NAAA: variants seen among roughly 807,000 people sequenced by gnomAD.
The protein encoded by NAAA is N-acylethanolamine-hydrolyzing acid amidase.
Under a neutral mutation model 44.8 loss-of-function variants are expected in NAAA, and 39 were observed. The ratio of observed to expected loss-of-function variants is 0.87; its 90% CI spans 0.67 to 1.14. The LOEUF is 1.14. Among genes scored for constraint, NAAA ranks in the 50% most tolerant of loss-of-function variants. The pLI is 0.00. For synonymous variants in NAAA, 178 were observed against 191.3 expected, an observed-to-expected ratio of 0.93 and a Z score of 0.58; for missense variants, 460 against 467.8, an observed-to-expected ratio of 0.98 and a Z score of 0.15.
At chr4:75,924,998 T>G (rs1726528304) in intron 5 of NAAA, among the ~76,000 whole-genome samples, 1 of 148,234 alleles carries the variant, frequency 6.7e-6, no homozygotes, top group Admixed American at 6.7e-5. Context: ...ATAACTTCAT[T>G]TTTTTTTTTT....
At chr4:75,937,279 C>T (rs1727815415) in intron 2 of NAAA, among the ~76,000 whole-genome samples, 1 of 152,076 alleles carries the variant, frequency 6.6e-6, no homozygotes, top group Admixed American at 6.6e-5. Flanking sequence ...ATTAGCCGGG[C>T]ATGGTGGCGC....
At chr4:75,911,553 T>C (rs139530385), downstream of NAAA, among the ~76,000 whole-genome samples, 1,115 of 152,198 alleles carry the variant, frequency 7.3e-3, 10 homozygotes, top group African/African-American at 0.026. Flanking sequence ...TACAGGGGTA[T>C]GGAAAACAGT....
In NAAA at chr4:75,940,734, C is replaced by T; in HGVS notation, c.206+10G>A. ...TGTCCCCGCAGACCCCGTCCAGGGC[C>T]CCAGCTCACCCGATGACTTGCGCCA... On this transcript the variant is annotated intron_variant, in intron 1 of 10. Transcript: ENST00000286733. 6.3e-7 allele frequency: 1 copy of T among 1,592,700 alleles called. No homozygotes were observed. The highest frequency in any genetic ancestry group is 8.5e-7 in the Non-Finnish European group (1 of 1,176,750).
At chr4:75,915,744 G>T (rs1725572878) in intron 9 of NAAA, among the ~76,000 whole-genome samples, 1 of 152,096 alleles carries the variant, frequency 6.6e-6, no homozygotes, top group Non-Finnish European at 1.5e-5. Context: ...GGCCTCTAAA[G>T]CTCCAGGATC....
chr4:75,927,758 T>C (rs1433015813), intron 4 of NAAA, among the ~76,000 whole-genome samples: 1 of 150,366 alleles, frequency 6.7e-6, no homozygotes, highest in Non-Finnish European at 1.5e-5. Flanking sequence ...TTTATGAATG[T>C]GTGATTTGAG....
chr4:75,934,195 C>CG (rs1381411240), intron 3 of NAAA, among the ~76,000 whole-genome samples: 2 of 151,676 alleles, frequency 1.3e-5, no homozygotes, highest in African/African-American at 4.8e-5. Flanking sequence ...CCTTGTGATT[C>CG]GGGGCAAGTC....
In NAAA at chr4:75,914,962, A is replaced by C. The variant is rs376834839; in HGVS notation, c.1022T>G (p.Met341Arg). ...YNNFTIYTTV[M>R]SAGSPDKYMT... ...GTACTTGTCTGGGCTACCGGCGCTC[A>C]TTACCGTAGTATAAATTGTGAAGCT... The change falls in exon 10 of 11, where the codon ATG (methionine) becomes AGG (arginine). Residue 341 changes from methionine (M) to arginine (R), a missense_variant. By Grantham distance (91) the Met-to-Arg change is moderately conservative. Coordinates refer to ENST00000286733, the MANE Select transcript of NAAA (RefSeq NM_014435.4). The C allele has an allele frequency of 2.5e-6, 4 of 1,613,438 alleles. No individual in the cohort carries two copies. Among genetic ancestry groups the C allele is most frequent in the African/African-American group, 1.3e-5 (1 of 74,916 alleles).
Position 75,940,954 on chromosome 4 carries a change from C to G in NAAA, c.-5G>C, listed in dbSNP as rs1462163771. ...CTCCCGGTCCGCGGTCCGCATGGCT[C>G]GGGCTCCAGCGGCCGCAACTTGGAG... On this transcript the variant is annotated 5_prime_UTR_variant, in exon 1 of 11. Coordinates refer to ENST00000286733, the MANE Select transcript of NAAA (RefSeq NM_014435.4). 3 of 1,471,236 alleles carry G rather than the reference C, an allele frequency of 2.0e-6. No homozygotes were observed. Among genetic ancestry groups the G allele is most frequent in the African/African-American group, 3.0e-5 (2 of 67,726 alleles). 91.1% of individuals were successfully genotyped at this position (1,471,236 alleles called of 1,614,324 possible). A position where few individuals can be genotyped will look rare whatever the true frequency, so the allele number is the denominator to read the frequency against.
intron 2 of NAAA, among the ~76,000 whole-genome samples, chr4:75,936,852 G>T (rs1727765682): frequency 6.6e-6 from 1 of 152,144 alleles, no homozygotes; most frequent in Non-Finnish European, 1.5e-5. Flanking sequence ...GGCTTGTTAA[G>T]TATCTATCCA....
At chr4:75,918,911 C>T (rs996041416) in intron 8 of NAAA, 122 bp from the exon 9 acceptor site, 15 of 858,438 alleles carry the variant, frequency 1.7e-5, no homozygotes, top group South Asian at 5.8e-5. Flanking sequence ...GGGAAGCCGA[C>T]GTGGGAGGAT....
At chr4:75,913,161 G>C (rs1725398944), downstream of NAAA, among the ~76,000 whole-genome samples, 1 of 152,102 alleles carries the variant, frequency 6.6e-6, no homozygotes, top group South Asian at 2.1e-4. Flanking sequence ...CGAGATAAAT[G>C]CATCATTGAC....
In NAAA at chr4:75,936,134, T is replaced by G; in HGVS notation, c.473A>C (p.Asp158Ala). The G allele has an allele frequency of 6.2e-7, 1 of 1,614,110 alleles. No individual in the cohort carries two copies. Among genetic ancestry groups the G allele is most frequent in the East Asian group, 2.2e-5 (1 of 44,876 alleles). Reference sequence around the variant, plus strand: ...CTGCCCATTCTTTAAGAATTGCACATCCACTGTCAGCTTGCGTAAGACATT... The same window carrying G: ...CTGCCCATTCTTTAAGAATTGCACAGCCACTGTCAGCTTGCGTAAGACATT... Reference protein sequence around the residue: ...FGNVLRKLTVDVQFLKNGQIA... With the variant: ...FGNVLRKLTVAVQFLKNGQIA... Residue 158 changes from aspartate to alanine, a missense_variant, in exon 3 of 11, where the codon GAT becomes GCT. Coordinates refer to ENST00000286733, the MANE Select transcript of NAAA (RefSeq NM_014435.4).
intron 2 of NAAA, 144 bp from the exon 3 acceptor site, chr4:75,936,379 GAAT>G (rs1727722129): frequency 4.5e-6 from 4 of 882,946 alleles, no homozygotes; most frequent in South Asian, 1.8e-5. Context: ...GCTTGTATAA[GAAT>G]ATAGATTAAC....
intron 9 of NAAA, chr4:75,916,635 C>T (rs1037602758): frequency 6.6e-6 from 1 of 152,080 alleles, no homozygotes; most frequent in African/African-American, 2.4e-5. Context: ...GAATGCTTAA[C>T]TCAATTATAA....
Position 75,914,085 on chromosome 4 carries a change from C to T in NAAA, c.*290G>A, listed in dbSNP as rs1725450004. ...TGAGGATATGGCTTGATCTCTGAGA[C>T]CAATTATCTTTGAGTTATTCAGGCC... On this transcript the variant is annotated 3_prime_UTR_variant, in exon 11 of 11. Coordinates refer to ENST00000286733, the MANE Select transcript of NAAA (RefSeq NM_014435.4). The T allele has an allele frequency of 1.0e-6, 1 of 985,286 alleles. No homozygotes were observed. The highest frequency in any genetic ancestry group is 4.7e-5 in the South Asian group (1 of 21,284). 61.0% of individuals were successfully genotyped at this position (985,286 alleles called of 1,614,324 possible).
In NAAA at chr4:75,919,844, T is replaced by C. The variant is rs1560501651; in HGVS notation, c.969+65A>G. On this transcript the variant is annotated intron_variant, in intron 8 of 10. Transcript: ENST00000286733. Reference sequence around the variant, plus strand: ...TCTACCAGAAGATTTCACGGAGTTTTTCATATTCACTATTAACAAAACACC... The same window carrying C: ...TCTACCAGAAGATTTCACGGAGTTTCTCATATTCACTATTAACAAAACACC... The C allele has an allele frequency of 3.5e-6, 5 of 1,443,138 alleles. No individual in the cohort carries two copies. In the Admixed American group the frequency reaches 5.2e-5, roughly 15 times the overall value. 89.4% of individuals were successfully genotyped at this position (1,443,138 alleles called of 1,614,324 possible). A position where few individuals can be genotyped will look rare whatever the true frequency, so the allele number is the denominator to read the frequency against.
intron 8 of NAAA, 104 bp downstream of exon 8, chr4:75,919,805 C>T (rs759137057): frequency 3.5e-6 from 4 of 1,152,270 alleles, no homozygotes; most frequent in Admixed American, 1.8e-5. Flanking sequence ...AAAACTTTTA[C>T]CCTAACGTTT....
At chr4:75,937,558 T>C (rs984760449) in intron 2 of NAAA, among the ~76,000 whole-genome samples, 1 of 152,228 alleles carries the variant, frequency 6.6e-6, no homozygotes, top group Non-Finnish European at 1.5e-5. Flanking sequence ...CAATGTCGGC[T>C]CACTGCAGCC....
chr4:75,911,607 A>G (rs1294431865), downstream of NAAA, among the ~76,000 whole-genome samples: 1 of 152,182 alleles, frequency 6.6e-6, no homozygotes, highest in Non-Finnish European at 1.5e-5. Context: ...CCACAGGACT[A>G]GTTGACTCAT....
Sources: gnomAD v4.1 joint callset for allele counts (sites outside exome capture counted in the v4.1 genomes callset) on GRCh38, gnomAD v4.1.1 for gene constraint, MANE v1.5 for transcripts, NCBI Gene and HGNC (gene_info 2026-07-23, HGNC 2026-07-21) for gene names.